EDIL3: variants seen among roughly 807,000 people sequenced by gnomAD.
The protein encoded by EDIL3 is EGF like and discoidin domains 3, also known as EGF-like repeat and discoidin I-like domain-containing protein 3.
A neutral mutation model predicts 67.4 loss-of-function variants in EDIL3; 37 were observed. The observed-to-expected ratio is 0.55, with a 90% CI of 0.42 to 0.72. EDIL3 has a LOEUF of 0.72. Ranked by LOEUF, EDIL3 falls within the 30% of genes least tolerant of loss-of-function variation. The probability of loss-of-function intolerance (pLI) is 0.00; values close to 1 mark genes in which losing one functional copy is unlikely to be tolerated. For missense variants in EDIL3, 527 were observed against 586.3 expected (o/e 0.90, Z 1.04); for synonymous variants, 195 against 196.3 (o/e 0.99, Z 0.05).
At chr5:84,209,785 G>C (rs1489050599) in intron 3 of EDIL3, among the ~76,000 whole-genome samples, 1 of 152,142 alleles carries the variant, frequency 6.6e-6, no homozygotes, top group Admixed American at 6.5e-5. Context: ...TAGTTCACTG[G>C]TAAATAAAAT....
In EDIL3 at chr5:84,384,570, C is replaced by T. The variant is rs900469636; in HGVS notation, c.-196G>A. On this transcript the variant is annotated 5_prime_UTR_variant, in exon 1 of 11. Coordinates refer to ENST00000296591, the MANE Select transcript of EDIL3 (RefSeq NM_005711.5). ...GTGACTAAAGAGAGGAGCCTTTCCTCCCCTTTTGCCTGCGCTCCGGCGCGC... is the reference window on the plus strand; with the variant it reads ...GTGACTAAAGAGAGGAGCCTTTCCTTCCCTTTTGCCTGCGCTCCGGCGCGC... The T allele has an allele frequency of 4.0e-5, 18 of 451,074 alleles. No individual in the cohort carries two copies. Among genetic ancestry groups the T allele is most frequent in the Non-Finnish European group, 6.4e-5 (17 of 264,470 alleles). 27.9% of individuals were successfully genotyped at this position (451,074 alleles called of 1,614,324 possible).
intron 2 of EDIL3, among the ~76,000 whole-genome samples, chr5:84,232,406 G>A (rs1744600085): frequency 6.6e-6 from 1 of 150,742 alleles, no homozygotes; most frequent in African/African-American, 2.4e-5. Flanking sequence ...TGTCTAAGAA[G>A]GAAGACTGGA....
At chr5:84,103,499 T>C (rs1747405109) in intron 6 of EDIL3, among the ~76,000 whole-genome samples, 1 of 151,598 alleles carries the variant, frequency 6.6e-6, no homozygotes, top group South Asian at 2.1e-4. Flanking sequence ...TCAGCATCTA[T>C]AAGAAACTTA....
At chr5:84,112,580 A>G (rs1013207517) in intron 5 of EDIL3, among the ~76,000 whole-genome samples, 5 of 152,128 alleles carry the variant, frequency 3.3e-5, no homozygotes, top group African/African-American at 9.7e-5. Flanking sequence ...TTCTCTTGCT[A>G]TACTGATTTT....
rs374214744 is a variant in EDIL3 at position 84,093,658 on chromosome 5, C to CTTT, written c.651+12988_651+12990dup. Among the ~76,000 whole-genome samples, 44 of 117,800 alleles carry CTTT rather than the reference C, an allele frequency of 3.7e-4. 1 individual carries two copies. Among genetic ancestry groups the CTTT allele is most frequent in the South Asian group, 1.2e-3 (4 of 3,418 alleles). The allele number at this position is 117,800 out of a possible 152,430, so 77.3% of individuals were successfully genotyped here. A position where few individuals can be genotyped will look rare whatever the true frequency, so the allele number is the denominator to read the frequency against. ...AAGCAGAAGAGATTTCAGATGCAGC[C>CTTT]TTTTTTTTTTTTTTTTTTTCAGACG... is the stretch of plus-strand genomic sequence containing the variant. On this transcript the variant is annotated intron_variant, in intron 6 of 10. Coordinates refer to ENST00000296591, the MANE Select transcript of EDIL3 (RefSeq NM_005711.5).
At chr5:84,106,543 C>T (rs1198323667) in intron 6 of EDIL3, 106 bp downstream of exon 6, 8 of 1,353,070 alleles carry the variant, frequency 5.9e-6, no homozygotes, top group Non-Finnish European at 6.9e-6. Context: ...TTTCCTCTGA[C>T]CATAAGGAAG....
chr5:84,090,064 C>T (rs895571634), intron 6 of EDIL3, among the ~76,000 whole-genome samples: 2 of 152,126 alleles, frequency 1.3e-5, no homozygotes, highest in Non-Finnish European at 2.9e-5. Context: ...ATTTTCACAA[C>T]CCTTTTACTA....
intron 1 of EDIL3, among the ~76,000 whole-genome samples, chr5:84,303,973 A>G (rs560267488): frequency 6.6e-6 from 1 of 152,162 alleles, no homozygotes; most frequent in Non-Finnish European, 1.5e-5. Context: ...ATATATTGCG[A>G]GAATCTTTCC....
chr5:84,031,684 G>A (rs763314676), intron 9 of EDIL3, among the ~76,000 whole-genome samples: 16 of 152,178 alleles, frequency 1.1e-4, no homozygotes, highest in Non-Finnish European at 2.2e-4. Flanking sequence ...ACCCTACCAT[G>A]CTGGCACTCT....
intron 1 of EDIL3, among the ~76,000 whole-genome samples, chr5:84,325,437 T>C (rs1647200809): frequency 1.3e-5 from 2 of 151,840 alleles, no homozygotes; most frequent in African/African-American, 4.8e-5. Context: ...CAATGAGATA[T>C]CACCTCACAA....
intron 9 of EDIL3, among the ~76,000 whole-genome samples, chr5:83,974,970 G>A (rs1199745004): frequency 6.6e-6 from 1 of 151,856 alleles, no homozygotes; most frequent in Non-Finnish European, 1.5e-5. Context: ...AAATGGTAAA[G>A]TATAGAACCA....
chr5:84,081,870 G>C (rs371663216), intron 6 of EDIL3, among the ~76,000 whole-genome samples: 45,928 of 152,058 alleles, frequency 0.3, 7,179 homozygotes, highest in African/African-American at 0.38. Context: ...ACCCAGGCAT[G>C]ATGGACAAGA....
At chr5:84,208,503 C>A (rs1744036027) in intron 3 of EDIL3, among the ~76,000 whole-genome samples, 1 of 150,924 alleles carries the variant, frequency 6.6e-6, no homozygotes, top group Non-Finnish European at 1.5e-5. Context: ...CAAGGTGAAA[C>A]CCCGTCTCTA....
At chr5:84,292,932 T>C (rs900326267) in intron 1 of EDIL3, among the ~76,000 whole-genome samples, 1 of 152,182 alleles carries the variant, frequency 6.6e-6, no homozygotes, top group Non-Finnish European at 1.5e-5. Context: ...CCTCCCCTAG[T>C]TCCTCATTGG....
intron 5 of EDIL3, among the ~76,000 whole-genome samples, chr5:84,115,241 T>G (rs1009221442): frequency 6.6e-6 from 1 of 152,180 alleles, no homozygotes; most frequent in Non-Finnish European, 1.5e-5. Flanking sequence ...ATATTTGGAA[T>G]GAAAACCACA....
chr5:84,239,632 C>T (rs547201702), intron 2 of EDIL3, among the ~76,000 whole-genome samples: 70 of 152,284 alleles, frequency 4.6e-4, no homozygotes, highest in Admixed American at 4.6e-3. Context: ...TATCTTCTTG[C>T]TGCCTAAAGG....
Position 83,966,529 on chromosome 5 carries a change from C to T in EDIL3, c.1138-3169G>A, listed in dbSNP as rs139203066. On this transcript the variant is annotated intron_variant, in intron 9 of 10. Coordinates refer to ENST00000296591, the MANE Select transcript of EDIL3 (RefSeq NM_005711.5). ...CTGAAGAAGGCAAGTAGCAAAAAATCCTCTCCAATCTTAAGGAATTTGATG... is the reference window on the plus strand; with the variant it reads ...CTGAAGAAGGCAAGTAGCAAAAAATTCTCTCCAATCTTAAGGAATTTGATG... Among the ~76,000 whole-genome samples the T allele has an allele frequency of 5.2e-3, 797 of 152,096 alleles. 7 individuals carry two copies. Among genetic ancestry groups the T allele is most frequent in the Middle Eastern group, 0.014 (4 of 294 alleles).
At chr5:83,981,416 T>A (rs1744968614) in intron 9 of EDIL3, among the ~76,000 whole-genome samples, 1 of 152,132 alleles carries the variant, frequency 6.6e-6, no homozygotes, top group African/African-American at 2.4e-5. Flanking sequence ...TCTCTGTGTA[T>A]GATTACAATA....
chr5:84,074,643 A>T (rs1746815884), intron 6 of EDIL3, among the ~76,000 whole-genome samples: 1 of 151,836 alleles, frequency 6.6e-6, no homozygotes, highest in South Asian at 2.1e-4. Context: ...TCAAAACCAC[A>T]ATGAGATACC....
Sources: gnomAD v4.1 joint callset for allele counts (sites outside exome capture counted in the v4.1 genomes callset) on GRCh38, gnomAD v4.1.1 for gene constraint, MANE v1.5 for transcripts, NCBI Gene and HGNC (gene_info 2026-07-23, HGNC 2026-07-21) for gene names.